Variants in RBFOX1 observed in about 807,000 individuals in gnomAD.
The protein encoded by RBFOX1 is RNA binding fox-1 homolog 1.
Under a neutral mutation model 57.7 loss-of-function variants are expected in RBFOX1, and 8 were observed. The ratio of observed to expected loss-of-function variants is 0.14; its 90% CI spans 0.08 to 0.25. The LOEUF (loss-of-function observed/expected upper bound fraction) is 0.25. Among genes scored for constraint, RBFOX1 ranks in the 10% least tolerant of loss-of-function variants. The pLI is 1.00. For missense variants in RBFOX1, 611 were observed against 548.5 expected (o/e 1.11, Z -1.14); for synonymous variants, 326 against 222.4 (o/e 1.47, Z -4.15).
intron 14 of RBFOX1, among the ~76,000 whole-genome samples, chr16:7,705,469 C>A (rs563481159): frequency 5.9e-5 from 9 of 152,276 alleles, no homozygotes; most frequent in African/African-American, 2.2e-4. Flanking sequence ...TGTGCCACTG[C>A]ACTCCAGCCT....
At chr16:7,019,441 G>A (rs1301957852) in intron 3 of RBFOX1, among the ~76,000 whole-genome samples, 1 of 152,134 alleles carries the variant, frequency 6.6e-6, no homozygotes, top group African/African-American at 2.4e-5. Context: ...CATTCATGCT[G>A]TTGTAGGTTT....
chr16:6,879,855 G>T lies in RBFOX1; in HGVS notation c.-15-172202G>T, dbSNP rs763593092. 1.3e-5 allele frequency among the ~76,000 whole-genome samples: 2 copies of T among 152,112 alleles called. 1 individual carries two copies. Among genetic ancestry groups the T allele is most frequent in the Non-Finnish European group, 2.9e-5 (2 of 68,006 alleles). ...TTTACAAAGAGGTTTGAGACATTTT[G>T]AATTATCTCATAAATGTGCAATCTT... On this transcript the variant is annotated intron_variant, in intron 3 of 15. Transcript: ENST00000550418.
Position 5,833,857 on chromosome 16 carries a change from G to A in RBFOX1, c.319-33446G>A, listed in dbSNP as rs142286321. On this transcript the variant is annotated intron_variant, in intron 3 of 19. Coordinates refer to the RBFOX1 transcript ENST00000641259. ...AAGATTGGAGTCTCTTATGCATCATGTACTATTTGGAAGCAATAAAGAATT... is the reference window on the plus strand; with the variant it reads ...AAGATTGGAGTCTCTTATGCATCATATACTATTTGGAAGCAATAAAGAATT... Among the ~76,000 whole-genome samples, 299 of 152,268 alleles carry A rather than the reference G, an allele frequency of 2.0e-3. 2 individuals are homozygous for A. Among genetic ancestry groups the A allele is most frequent in the African/African-American group, 6.1e-3 (252 of 41,558 alleles).
At chr16:6,227,628 A>G (rs192986180) in intron 1 of RBFOX1, among the ~76,000 whole-genome samples, 132 of 152,270 alleles carry the variant, frequency 8.7e-4, no homozygotes, top group Non-Finnish European at 1.5e-3. Flanking sequence ...CTGGTCAGAA[A>G]GTAGGGCAGC....
intron 3 of RBFOX1, among the ~76,000 whole-genome samples, chr16:6,687,344 C>T (rs148414045): frequency 6.6e-6 from 1 of 152,100 alleles, no homozygotes; most frequent in Non-Finnish European, 1.5e-5. Context: ...ACAATGTACA[C>T]TACTTGCGTG....
intron 4 of RBFOX1, among the ~76,000 whole-genome samples, chr16:5,991,249 C>T (rs371034339): frequency 6.6e-6 from 1 of 152,132 alleles, no homozygotes; most frequent in African/African-American, 2.4e-5. Flanking sequence ...CAGCAAAGTT[C>T]TAGCACAAGA....
intron 3 of RBFOX1, among the ~76,000 whole-genome samples, chr16:6,996,136 A>G (rs765959200): frequency 6.6e-6 from 1 of 152,226 alleles, no homozygotes; most frequent in African/African-American, 2.4e-5. Context: ...TTGTATCCTA[A>G]TTATCTGAAA....
At chr16:6,785,979 C>G (rs890861489) in intron 3 of RBFOX1, among the ~76,000 whole-genome samples, 1 of 152,180 alleles carries the variant, frequency 6.6e-6, no homozygotes, top group Admixed American at 6.5e-5. Flanking sequence ...ACAGACCATC[C>G]TTCCAAATAG....
intron 3 of RBFOX1, among the ~76,000 whole-genome samples, chr16:6,839,132 A>G (rs2141362081): frequency 6.6e-6 from 1 of 151,920 alleles, no homozygotes; most frequent in Admixed American, 6.6e-5. Context: ...TTACAGGCAC[A>G]CACCACCACA....
chr16:6,136,609 AT>A (rs1199884397), intron 1 of RBFOX1, among the ~76,000 whole-genome samples: 1 of 152,162 alleles, frequency 6.6e-6, no homozygotes, highest in Non-Finnish European at 1.5e-5. Flanking sequence ...TAAATTATAC[AT>A]TTGCAAGTAA....
At position 6,447,569 on chromosome 16, in the gene RBFOX1, G is replaced by A. The variant is rs549069831; in HGVS notation, c.-64+130512G>A. 1.1e-4 allele frequency among the ~76,000 whole-genome samples: 17 copies of A among 152,276 alleles called. No individual in the cohort carries two copies. The South Asian group carries it at 3.3e-3, about 30-fold the overall frequency. On this transcript the variant is annotated intron_variant, in intron 2 of 15. Transcript: ENST00000550418. ...ATATCAGAGTGCCTGTTTTTAGACC[G>A]TGTGCTAATTCTGTGTGTCGCTATA...
At chr16:7,083,438 A>C (rs868537819) in intron 4 of RBFOX1, among the ~76,000 whole-genome samples, 1 of 152,090 alleles carries the variant, frequency 6.6e-6, no homozygotes, top group Non-Finnish European at 1.5e-5. Flanking sequence ...ATTTAGGCTC[A>C]CAGAAGCTTA....
intron 3 of RBFOX1, among the ~76,000 whole-genome samples, chr16:5,774,440 C>T (rs1342840318): frequency 6.6e-6 from 1 of 152,242 alleles, no homozygotes; most frequent in South Asian, 2.1e-4. Context: ...ATTTTAAACA[C>T]ACAGGTAATG....
chr16:7,332,630 G>C (rs1329872281), intron 4 of RBFOX1: 1 of 362,570 alleles, frequency 2.8e-6, no homozygotes, highest in African/African-American at 2.1e-5. Context: ...ATATCTCATA[G>C]CCTGGTTCCC....
intron 4 of RBFOX1, among the ~76,000 whole-genome samples, chr16:7,445,502 T>C (rs1440279066): frequency 6.6e-6 from 1 of 152,208 alleles, no homozygotes; most frequent in African/African-American, 2.4e-5. Flanking sequence ...CAAAATGCAC[T>C]TGATACAGCA....
At chr16:6,243,859 A>T (rs1428244015) in intron 1 of RBFOX1, among the ~76,000 whole-genome samples, 1 of 152,124 alleles carries the variant, frequency 6.6e-6, no homozygotes, top group African/African-American at 2.4e-5. Flanking sequence ...TCCAGAGGGG[A>T]GTATATCTGA....
chr16:6,845,788 T>C (rs971447092), intron 3 of RBFOX1, among the ~76,000 whole-genome samples: 3 of 152,222 alleles, frequency 2.0e-5, no homozygotes, highest in African/African-American at 7.2e-5. Flanking sequence ...CTCAAACAAG[T>C]AAGGCTCTTT....
chr16:6,803,317 C>T (rs1028894730), intron 3 of RBFOX1, among the ~76,000 whole-genome samples: 4 of 152,166 alleles, frequency 2.6e-5, no homozygotes, highest in African/African-American at 7.2e-5. Context: ...TTTCCTTAGT[C>T]ATTGGAAGCA....
chr16:6,322,978 C>T (rs1174157880), intron 2 of RBFOX1, among the ~76,000 whole-genome samples: 1 of 152,138 alleles, frequency 6.6e-6, no homozygotes, highest in Admixed American at 6.5e-5. Flanking sequence ...TTACATTTCC[C>T]CTATGAATAT....
Sources: allele counts gnomAD v4.1 joint callset (sites outside exome capture counted in the v4.1 genomes callset), GRCh38; gene constraint gnomAD v4.1.1; transcripts MANE v1.5; gene names NCBI Gene and HGNC (gene_info 2026-07-23, HGNC 2026-07-21).